The following KATNIP variants were observed in gnomAD, a reference collection of about 807,000 sequenced individuals.
KATNIP encodes katanin interacting protein, also known as katanin-interacting protein.
A neutral mutation model predicts 174.0 loss-of-function variants in KATNIP; 126 were observed. The observed-to-expected ratio is 0.72, with a 90% CI of 0.63 to 0.84. KATNIP has a LOEUF of 0.84. Among genes scored for constraint, KATNIP ranks in the 40% least tolerant of loss-of-function variants. The pLI is 0.00. For synonymous variants in KATNIP, 810 were observed against 835.7 expected, an observed-to-expected ratio of 0.97 and a Z score of 0.53; for missense variants, 1,958 against 2,109.7, an observed-to-expected ratio of 0.93 and a Z score of 1.41.
intron 6 of KATNIP, among the ~76,000 whole-genome samples, chr16:27,676,061 G>A (rs964886697): frequency 3.3e-5 from 5 of 152,090 alleles, no homozygotes; most frequent in Admixed American, 3.3e-4. Context: ...ATCTGGATAG[G>A]CTGAAAATCA....
chr16:27,618,198 CCTT>C (rs954558169), intron 2 of KATNIP, among the ~76,000 whole-genome samples: 5 of 152,130 alleles, frequency 3.3e-5, no homozygotes, highest in African/African-American at 9.7e-5. Context: ...CGGGAATTGA[CCTT>C]CTCCTTTTCA....
intron 7 of KATNIP, among the ~76,000 whole-genome samples, chr16:27,680,987 A>G (rs901918511): frequency 6.6e-6 from 1 of 152,058 alleles, no homozygotes; most frequent in African/African-American, 2.4e-5. Context: ...GAGCCACTGT[A>G]CCCAGCCTAT....
rs2081626689 is a variant in KATNIP at position 27,754,229 on chromosome 16, G to C, written c.3609G>C (p.Glu1203Asp). Reference protein sequence around the residue: ...SSPVPQVTTPEPGIYHGICLQ... With the variant: ...SSPVPQVTTPDPGIYHGICLQ... ...CTGTCCCCCAAGTCACCACGCCAGAGCCAGGCATCTACCACGGAATCTGTG... is the reference window on the plus strand; with the variant it reads ...CTGTCCCCCAAGTCACCACGCCAGACCCAGGCATCTACCACGGAATCTGTG... Residue 1203 changes from glutamate to aspartate, a missense_variant, in exon 18 of 28, where the codon GAG (glutamate) becomes GAC (aspartate). This residue lies in a region of KATNIP where 1,557 missense variants were observed against 1,617.8 expected (regional missense o/e 0.96). Transcript: ENST00000261588. The C allele has an allele frequency of 6.2e-7, 1 of 1,614,064 alleles. No individual in the cohort carries two copies. Among genetic ancestry groups the C allele is most frequent in the African/African-American group, 1.3e-5 (1 of 74,944 alleles).
intron 18 of KATNIP, among the ~76,000 whole-genome samples, chr16:27,760,934 G>A (rs917419009): frequency 2.6e-5 from 4 of 152,202 alleles, no homozygotes; most frequent in Non-Finnish European, 5.9e-5. Context: ...CAGGCCATGT[G>A]AATTCTAGGG....
chr16:27,654,034 G>A (rs2077192811), intron 6 of KATNIP, among the ~76,000 whole-genome samples: 1 of 152,088 alleles, frequency 6.6e-6, no homozygotes, highest in Admixed American at 6.6e-5. Flanking sequence ...GGAGTGCAGT[G>A]GTGAGATCTT....
intron 1 of KATNIP, among the ~76,000 whole-genome samples, chr16:27,558,282 A>C (rs1032422886): frequency 6.6e-6 from 1 of 152,000 alleles, no homozygotes; most frequent in East Asian, 1.9e-4. Flanking sequence ...AGTAGCTGGG[A>C]TTACAGGTGT....
At chr16:27,641,814 C>T (rs1367083755) in intron 5 of KATNIP, among the ~76,000 whole-genome samples, 1 of 152,238 alleles carries the variant, frequency 6.6e-6, no homozygotes, top group Non-Finnish European at 1.5e-5. Context: ...CCGTGGACCA[C>T]ACTTAGAGTA....
At chr16:27,564,920 C>T (rs1400378441) in intron 1 of KATNIP, among the ~76,000 whole-genome samples, 1 of 151,948 alleles carries the variant, frequency 6.6e-6, no homozygotes, top group East Asian at 2.0e-4. Flanking sequence ...TGCGCCACCA[C>T]ACCCGGCTAA....
At chr16:27,699,414 C>CT (rs2079022669) in intron 9 of KATNIP, 120 bp from the exon 10 acceptor site, 44 of 1,490,726 alleles carry the variant, frequency 3.0e-5, no homozygotes, top group Non-Finnish European at 3.9e-5. Context: ...TGCCCCTGAA[C>CT]TTTATATCTA....
At chr16:27,761,202 A>G (rs779777843) in intron 18 of KATNIP, among the ~76,000 whole-genome samples, 1 of 152,348 alleles carries the variant, frequency 6.6e-6, no homozygotes, top group South Asian at 2.1e-4. Flanking sequence ...ACCCTCGCCC[A>G]TGCAGCTTAC....
At chr16:27,663,690 C>T (rs2077597288) in intron 6 of KATNIP, among the ~76,000 whole-genome samples, 1 of 151,888 alleles carries the variant, frequency 6.6e-6, no homozygotes, top group African/African-American at 2.4e-5. Context: ...AATTCCTGAC[C>T]TCAGGTGATC....
At chr16:27,742,277 A>G (rs1412035340) in intron 15 of KATNIP, among the ~76,000 whole-genome samples, 2 of 152,142 alleles carry the variant, frequency 1.3e-5, no homozygotes, top group Admixed American at 6.5e-5. Context: ...CCAGGCACAC[A>G]ACTCTCTGGG....
chr16:27,614,527 T>C (rs182465906), intron 2 of KATNIP, among the ~76,000 whole-genome samples: 1 of 152,326 alleles, frequency 6.6e-6, no homozygotes, highest in African/African-American at 2.4e-5. Flanking sequence ...CAGACTGGTC[T>C]CAAACTCCTG....
At chr16:27,653,736 G>A (rs1444416291) in intron 6 of KATNIP, among the ~76,000 whole-genome samples, 7 of 150,152 alleles carry the variant, frequency 4.7e-5, no homozygotes, top group Admixed American at 2.7e-4. Flanking sequence ...ACAGCTCATT[G>A]CAACCTCTAC....
intron 8 of KATNIP, among the ~76,000 whole-genome samples, chr16:27,697,634 T>C (rs2078960719): frequency 1.4e-5 from 2 of 146,384 alleles, no homozygotes; most frequent in South Asian, 4.2e-4. Flanking sequence ...TACAGAAATA[T>C]TATGCACACA....
chr16:27,632,848 T>C (rs2076531514), intron 5 of KATNIP, among the ~76,000 whole-genome samples: 1 of 152,072 alleles, frequency 6.6e-6, no homozygotes, highest in South Asian at 2.1e-4. Context: ...CCTCCCGGTT[T>C]CAAGCGATTT....
chr16:27,684,921 G>A (rs533425952), intron 8 of KATNIP, among the ~76,000 whole-genome samples: 1 of 152,286 alleles, frequency 6.6e-6, no homozygotes. Flanking sequence ...GGTACTAGGG[G>A]TTAGGGCCTC....
rs368172887 is a variant in KATNIP, at chr16:27,635,328, A to G, written c.408+4166A>G. ...ACAGCTTTAGAAAGGGAGTCTGGGAAATGCAGTATTTGGCTTTCTGGCCTC... is the reference window on the plus strand; with the variant it reads ...ACAGCTTTAGAAAGGGAGTCTGGGAGATGCAGTATTTGGCTTTCTGGCCTC... On this transcript the variant is annotated intron_variant, in intron 5 of 27. Transcript: ENST00000261588. 9.2e-5 allele frequency among the ~76,000 whole-genome samples: 14 copies of G among 152,220 alleles called. No homozygotes were observed. In the East Asian group the frequency reaches 1.7e-3, roughly 19 times the overall value.
intron 2 of KATNIP, among the ~76,000 whole-genome samples, chr16:27,605,761 T>C (rs1277795352): frequency 6.6e-6 from 1 of 152,136 alleles, no homozygotes; most frequent in African/African-American, 2.4e-5. Flanking sequence ...GCTGGTGTGA[T>C]GGGTGCATTG....
Sources: gnomAD v4.1 joint callset for allele counts (sites outside exome capture counted in the v4.1 genomes callset) on GRCh38, gnomAD v4.1.1 for gene constraint, gnomAD v4.1.1 regional missense constraint, MANE v1.5 for transcripts, NCBI Gene and HGNC (gene_info 2026-07-23, HGNC 2026-07-21) for gene names.